The following CDH12 variants were observed in gnomAD, a reference collection of about 807,000 sequenced individuals.
The protein encoded by CDH12 is cadherin 12.
A neutral mutation model predicts 74.1 loss-of-function variants in CDH12; 41 were observed. That is an observed-to-expected ratio of 0.55 (90% confidence interval 0.43 to 0.72). The LOEUF (loss-of-function observed/expected upper bound fraction) is 0.72, where lower values mean the gene tolerates loss of function less well. CDH12 is among the 30% of genes least tolerant of loss of function. The probability of loss-of-function intolerance (pLI) is 0.00; values close to 1 mark genes in which losing one functional copy is unlikely to be tolerated. For missense variants in CDH12, 945 were observed against 977.2 expected, an observed-to-expected ratio of 0.97 and a Z score of 0.44; for synonymous variants, 399 against 355.0, an observed-to-expected ratio of 1.12 and a Z score of -1.39.
intron 10 of CDH12, among the ~76,000 whole-genome samples, chr5:21,801,730 A>G (rs942810449): frequency 1.3e-5 from 2 of 152,228 alleles, no homozygotes; most frequent in Non-Finnish European, 2.9e-5. Context: ...AATTGCAATA[A>G]CTTTTTCAAA....
At position 21,854,728 on chromosome 5, in the gene CDH12, T is replaced by C. The variant is rs771130872; in HGVS notation, c.589A>G (p.Arg197Gly). The C allele has an allele frequency of 3.1e-6, 5 of 1,609,192 alleles. No individual in the cohort carries two copies. Among genetic ancestry groups the C allele is most frequent in the Non-Finnish European group, 4.2e-6 (5 of 1,176,512 alleles). Residue 197 changes from arginine to glycine, a missense_variant, in exon 7 of 15, where the codon AGA becomes GGA. Coordinates refer to ENST00000382254, the MANE Select transcript of CDH12 (RefSeq NM_004061.5). Reference protein sequence around the residue: ...ADDPTYGNSARVVYSILQGQP... With the variant: ...ADDPTYGNSAGVVYSILQGQP... ...CCCTGAAGAATGCTGTAAACGACTC[T>C]GGCACTGTTTCCATAGGTCGGGTCA...
chr5:22,848,353 A>G (rs1362339500), intron 1 of CDH12, among the ~76,000 whole-genome samples: 1 of 152,080 alleles, frequency 6.6e-6, no homozygotes, highest in Non-Finnish European at 1.5e-5. Flanking sequence ...CTTTTTAGTG[A>G]TTACATTTTA....
chr5:22,534,260 G>A (rs1258683153), intron 1 of CDH12, among the ~76,000 whole-genome samples: 3 of 151,760 alleles, frequency 2.0e-5, no homozygotes, highest in Admixed American at 2.0e-4. Context: ...ACATGAGTAC[G>A]TTATTTAGTG....
intron 5 of CDH12, among the ~76,000 whole-genome samples, chr5:21,988,328 C>T (rs190358504): frequency 3.0e-4 from 46 of 151,756 alleles, no homozygotes; most frequent in Middle Eastern, 3.4e-3. Context: ...CCTCTCTCTA[C>T]TAAAAATACA....
At chr5:22,431,978 T>C (rs2126522141) in intron 2 of CDH12, among the ~76,000 whole-genome samples, 1 of 152,264 alleles carries the variant, frequency 6.6e-6, no homozygotes, top group Admixed American at 6.5e-5. Context: ...TCATCAAGTT[T>C]ACAGTAGTAT....
At chr5:21,850,948 G>C (rs889138762) in intron 7 of CDH12, among the ~76,000 whole-genome samples, 11 of 151,188 alleles carry the variant, frequency 7.3e-5, no homozygotes, top group African/African-American at 2.4e-4. Flanking sequence ...AAATGTTTTG[G>C]CTAGATGGTG....
chr5:22,624,332 G>GCTT (rs111733693), intron 1 of CDH12, among the ~76,000 whole-genome samples: 10,490 of 151,706 alleles, frequency 0.069, 436 homozygotes, highest in East Asian at 0.23. Context: ...AAACTAAAGA[G>GCTT]CTGCACAGCA....
intron 6 of CDH12, among the ~76,000 whole-genome samples, chr5:21,875,041 C>T (rs541895684): frequency 6.6e-6 from 1 of 152,254 alleles, no homozygotes; most frequent in East Asian, 1.9e-4. Context: ...GCATCTCACA[C>T]CAGTCAGAAT....
intron 3 of CDH12, among the ~76,000 whole-genome samples, chr5:22,394,809 C>A (rs1481753741): frequency 6.6e-6 from 1 of 152,032 alleles, no homozygotes; most frequent in Admixed American, 6.6e-5. Context: ...TGAATCATAT[C>A]CAAAGTCTCA....
At chr5:22,759,205 A>G (rs1444568123) in intron 1 of CDH12, among the ~76,000 whole-genome samples, 1 of 152,050 alleles carries the variant, frequency 6.6e-6, no homozygotes, top group East Asian at 1.9e-4. Flanking sequence ...TCAGAAAAAA[A>G]AAACAAAAAA....
chr5:22,134,865 G>C (rs2150291001), intron 4 of CDH12, among the ~76,000 whole-genome samples: 1 of 151,252 alleles, frequency 6.6e-6, no homozygotes, highest in Admixed American at 6.6e-5. Flanking sequence ...GCAACAGCAA[G>C]TTGGCTGTCA....
chr5:22,839,549 G>T (rs1426134483), intron 1 of CDH12, among the ~76,000 whole-genome samples: 2 of 151,622 alleles, frequency 1.3e-5, no homozygotes, highest in African/African-American at 2.4e-5. Context: ...TAGAGACAGG[G>T]TTTCACCATG....
chr5:22,273,186 C>T (rs1036924190), intron 3 of CDH12, among the ~76,000 whole-genome samples: 1 of 152,030 alleles, frequency 6.6e-6, no homozygotes, highest in African/African-American at 2.4e-5. Flanking sequence ...CATGGCACCA[C>T]AAAACAATTA....
At chr5:22,851,669 C>G (rs1581062815) in intron 1 of CDH12, among the ~76,000 whole-genome samples, 1 of 152,132 alleles carries the variant, frequency 6.6e-6, no homozygotes, top group African/African-American at 2.4e-5. Context: ...TGGCTATCCA[C>G]TCAACCACTC....
In CDH12 at chr5:22,479,979, A is replaced by C. The variant is rs1014989562; in HGVS notation, c.-428+25291T>G. On this transcript the variant is annotated intron_variant, in intron 2 of 14. Transcript: ENST00000382254. Reference sequence around the variant, plus strand: ...ATATCACTATTTTATTAAGTAATTAAAAATAAAGATCCTATCCTTCCTCTA... The same window carrying C: ...ATATCACTATTTTATTAAGTAATTACAAATAAAGATCCTATCCTTCCTCTA... 5.3e-5 allele frequency among the ~76,000 whole-genome samples: 8 copies of C among 152,310 alleles called. 2 individuals carry two copies. The highest frequency in any genetic ancestry group is 5.2e-4 in the Admixed American group (8 of 15,288).
chr5:21,914,956 A>C (rs2150066760), intron 6 of CDH12, among the ~76,000 whole-genome samples: 1 of 152,278 alleles, frequency 6.6e-6, no homozygotes, highest in Middle Eastern at 3.4e-3. Flanking sequence ...AAGACTGACA[A>C]ATGCAGACAG....
intron 5 of CDH12, among the ~76,000 whole-genome samples, chr5:22,037,139 T>C (rs1265741062): frequency 6.6e-6 from 1 of 152,200 alleles, no homozygotes; most frequent in East Asian, 1.9e-4. Flanking sequence ...AAGCAATACC[T>C]GGTATGGTGG....
At chr5:22,017,691 T>C (rs1274163983) in intron 5 of CDH12, among the ~76,000 whole-genome samples, 5 of 152,048 alleles carry the variant, frequency 3.3e-5, no homozygotes, top group Admixed American at 3.3e-4. Context: ...GAGAGAAATA[T>C]TGACAGTAAG....
chr5:21,814,087 T>C (rs1320726913), intron 9 of CDH12, among the ~76,000 whole-genome samples: 2 of 151,364 alleles, frequency 1.3e-5, no homozygotes, highest in Non-Finnish European at 2.9e-5. Flanking sequence ...ACTTAGATAA[T>C]GAATTTCAGG....
Sources: gnomAD v4.1 joint callset for allele counts (sites outside exome capture counted in the v4.1 genomes callset) on GRCh38, gnomAD v4.1.1 for gene constraint, MANE v1.5 for transcripts, NCBI Gene and HGNC (gene_info 2026-07-23, HGNC 2026-07-21) for gene names.